MARCHF11: variants seen among roughly 807,000 people sequenced by gnomAD.
The protein encoded by MARCHF11 is E3 ubiquitin-protein ligase MARCHF11.
MARCHF11 carries 29 observed loss-of-function variants against 37.3 expected under a neutral mutation model. That is an observed-to-expected ratio of 0.78 (90% CI 0.58 to 1.06). The LOEUF is 1.06. Among genes scored for constraint, MARCHF11 ranks in the 50% least tolerant of loss-of-function variants. The pLI is 0.00. For synonymous variants in MARCHF11, 233 were observed against 228.0 expected (o/e 1.02, Z -0.20); for missense variants, 482 against 533.4 (o/e 0.90, Z 0.95).
intron 3 of MARCHF11, among the ~76,000 whole-genome samples, chr5:16,084,280 G>A (rs1286760621): frequency 6.6e-6 from 1 of 152,198 alleles, no homozygotes; most frequent in African/African-American, 2.4e-5. Flanking sequence ...GCATGCCAAA[G>A]TAGCTCTAGC....
chr5:16,085,766 C>T (rs1187911740), intron 3 of MARCHF11, among the ~76,000 whole-genome samples: 1 of 151,716 alleles, frequency 6.6e-6, no homozygotes, highest in African/African-American at 2.4e-5. Flanking sequence ...TCCTGGCTAA[C>T]ACGGTGAAAC....
intron 2 of MARCHF11, among the ~76,000 whole-genome samples, chr5:16,094,511 G>C (rs1384112629): frequency 6.6e-6 from 1 of 152,086 alleles, no homozygotes; most frequent in Non-Finnish European, 1.5e-5. Flanking sequence ...GTGTGTGTCT[G>C]TGTGTACGTG....
intron 2 of MARCHF11, among the ~76,000 whole-genome samples, chr5:16,095,588 C>G (rs1051816650): frequency 2.6e-5 from 4 of 152,158 alleles, no homozygotes; most frequent in African/African-American, 9.7e-5. Context: ...TGTCTTTGAG[C>G]ACGCTCTTTC....
chr5:16,092,674 A>G (rs1736806664), intron 2 of MARCHF11, among the ~76,000 whole-genome samples: 1 of 152,164 alleles, frequency 6.6e-6, no homozygotes, highest in African/African-American at 2.4e-5. Flanking sequence ...TGGGTGCAGC[A>G]AACCACCATG....
chr5:16,153,014 G>C (rs991178280), intron 2 of MARCHF11, among the ~76,000 whole-genome samples: 1 of 151,894 alleles, frequency 6.6e-6, no homozygotes, highest in Non-Finnish European at 1.5e-5. Context: ...GTATAGCAAG[G>C]CACTGCAGAG....
chr5:16,113,907 C>T (rs1737187764), intron 2 of MARCHF11, among the ~76,000 whole-genome samples: 2 of 152,134 alleles, frequency 1.3e-5, no homozygotes, highest in Non-Finnish European at 2.9e-5. Flanking sequence ...TGTACCCAAA[C>T]CTATCTCTTT....
At chr5:16,138,563 GGT>G (rs1369731827) in intron 2 of MARCHF11, among the ~76,000 whole-genome samples, 2 of 152,218 alleles carry the variant, frequency 1.3e-5, no homozygotes, top group Non-Finnish European at 2.9e-5. Context: ...GGCACCACCT[GGT>G]GGAGCCGTGA....
intron 2 of MARCHF11, among the ~76,000 whole-genome samples, chr5:16,172,679 A>G (rs192128315): frequency 2.1e-4 from 32 of 152,284 alleles, no homozygotes; most frequent in African/African-American, 7.5e-4. Context: ...TTCAATGGTA[A>G]TTTTTCAGCT....
chr5:16,095,683 A>G (rs1013290068), intron 2 of MARCHF11, among the ~76,000 whole-genome samples: 6 of 152,150 alleles, frequency 3.9e-5, no homozygotes, highest in Non-Finnish European at 7.4e-5. Flanking sequence ...GTAAAGAGCC[A>G]TCCTCTCTTG....
At chr5:16,165,211 T>G (rs916189241) in intron 2 of MARCHF11, among the ~76,000 whole-genome samples, 1 of 152,078 alleles carries the variant, frequency 6.6e-6, no homozygotes, top group Admixed American at 6.6e-5. Context: ...CCCTATCGCT[T>G]CTACCTGTTC....
At chr5:16,149,929 A>G (rs578130494) in intron 2 of MARCHF11, among the ~76,000 whole-genome samples, 1 of 137,116 alleles carries the variant, frequency 7.3e-6, no homozygotes, top group East Asian at 2.0e-4. Context: ...AAGGAAGCCC[A>G]AGACAAGACA....
intron 3 of MARCHF11, among the ~76,000 whole-genome samples, chr5:16,079,302 C>G (rs2126548292): frequency 6.6e-6 from 1 of 152,326 alleles, no homozygotes; most frequent in Non-Finnish European, 1.5e-5. Flanking sequence ...AATGCACCCA[C>G]TTCCACCTCC....
intron 2 of MARCHF11, among the ~76,000 whole-genome samples, chr5:16,125,844 C>T (rs546404405): frequency 6.6e-6 from 1 of 152,182 alleles, no homozygotes; most frequent in Non-Finnish European, 1.5e-5. Flanking sequence ...ACTTGACACA[C>T]ACCAGTAGGT....
chr5:16,147,947 A>C (rs760632419), intron 2 of MARCHF11, among the ~76,000 whole-genome samples: 4 of 152,150 alleles, frequency 2.6e-5, no homozygotes, highest in Non-Finnish European at 5.9e-5. Flanking sequence ...TGAAGGAGAG[A>C]CTGCTTGTTC....
intron 3 of MARCHF11, among the ~76,000 whole-genome samples, chr5:16,084,845 T>A (rs1188590326): frequency 6.6e-6 from 1 of 152,050 alleles, no homozygotes; most frequent in Non-Finnish European, 1.5e-5. Context: ...AGGTTATTTT[T>A]AAAAATTCCC....
intron 2 of MARCHF11, among the ~76,000 whole-genome samples, chr5:16,098,185 A>T (rs1736901575): frequency 6.6e-6 from 1 of 152,198 alleles, no homozygotes; most frequent in South Asian, 2.1e-4. Flanking sequence ...TCTAAAAAAC[A>T]CTTACAGATG....
At chr5:16,164,863 C>T (rs995923674) in intron 2 of MARCHF11, among the ~76,000 whole-genome samples, 56 of 152,172 alleles carry the variant, frequency 3.7e-4, no homozygotes, top group African/African-American at 1.2e-3. Context: ...ATTTTAACAG[C>T]ATCCATGCTT....
At chr5:16,119,877 G>C (rs1025372699) in intron 2 of MARCHF11, among the ~76,000 whole-genome samples, 1 of 152,184 alleles carries the variant, frequency 6.6e-6, no homozygotes, top group Non-Finnish European at 1.5e-5. Context: ...AGAATGCAAT[G>C]AAGTCAAATG....
chr5:16,163,028 T>G (rs1738108838), intron 2 of MARCHF11, among the ~76,000 whole-genome samples: 1 of 152,048 alleles, frequency 6.6e-6, no homozygotes, highest in African/African-American at 2.4e-5. Context: ...GCTTTTTTTA[T>G]TATATTACAC....
Sources: allele counts gnomAD v4.1 joint callset (sites outside exome capture counted in the v4.1 genomes callset), GRCh38; gene constraint gnomAD v4.1.1; transcripts MANE v1.5; gene names NCBI Gene and HGNC (gene_info 2026-07-23, HGNC 2026-07-21).